The following RCHY1 variants were observed in gnomAD, a reference collection of about 807,000 sequenced individuals.
RCHY1 encodes ring finger and CHY zinc finger domain containing 1.
RCHY1 carries 21 observed loss-of-function variants against 41.6 expected under a neutral mutation model. The observed-to-expected ratio is 0.51, with a 90% confidence interval of 0.36 to 0.73. The LOEUF (loss-of-function observed/expected upper bound fraction) is 0.73, where lower values mean the gene tolerates loss of function less well. Among genes scored for constraint, RCHY1 ranks in the 30% least tolerant of loss-of-function variants. The pLI, the probability that RCHY1 is intolerant of heterozygous loss-of-function variation, is 0.00. For missense variants in RCHY1, 265 were observed against 325.3 expected (o/e 0.81, Z 1.43); for synonymous variants, 79 against 102.9 (o/e 0.77, Z 1.41).
At chr4:75,491,554 C>A in intron 7 of RCHY1, 57 bp downstream of exon 7, 2 of 1,523,042 alleles carry the variant, frequency 1.3e-6, no homozygotes, top group South Asian at 1.1e-5. Context: ...CTCCCCACAC[C>A]ACACACACAA....
Position 75,482,367 on chromosome 4 carries a change from C to T in RCHY1, c.*171G>A. 2.2e-6 allele frequency: 1 copy of T among 458,228 alleles called. No individual in the cohort carries two copies. The highest frequency in any genetic ancestry group is 7.1e-5 in the South Asian group (1 of 14,060). 28.4% of individuals were successfully genotyped at this position (458,228 alleles called of 1,614,324 possible). A position where few individuals can be genotyped will look rare whatever the true frequency, so the allele number is the denominator to read the frequency against. ...CATTCAATATAGAGCTATGATAAGT[C>T]TATCAAGAGACCCTGAATCCTTACG... On this transcript the variant is annotated 3_prime_UTR_variant, in exon 9 of 9. Transcript: ENST00000324439.
chr4:75,482,818 T>C (rs1438731989), intron 8 of RCHY1, 152 bp from the exon 9 acceptor site: 1 of 504,440 alleles, frequency 2.0e-6, no homozygotes, highest in Non-Finnish European at 3.1e-6. Flanking sequence ...TCTTATTTTT[T>C]CACTGAAAAC....
At chr4:75,509,319 A>T in intron 1 of RCHY1, 23 bp from the exon 2 acceptor site, 38 of 1,602,536 alleles carry the variant, frequency 2.4e-5, no homozygotes, top group Non-Finnish European at 3.1e-5. Flanking sequence ...GAGAAAAAAG[A>T]GATATAGTAA....
chr4:75,498,322 G>T (rs922020062), intron 3 of RCHY1, among the ~76,000 whole-genome samples: 1 of 151,700 alleles, frequency 6.6e-6, no homozygotes, highest in Non-Finnish European at 1.5e-5. Context: ...CTGAAGCCAT[G>T]ACAAAAAGTT....
chr4:75,504,611 T>C (rs1043837627), intron 3 of RCHY1, among the ~76,000 whole-genome samples: 6 of 152,180 alleles, frequency 3.9e-5, no homozygotes, highest in Admixed American at 2.0e-4. Flanking sequence ...TTGTGGGGAG[T>C]TGAAAGTTAT....
At chr4:75,508,981 G>T in intron 2 of RCHY1, 46 bp from the exon 3 acceptor site, 2 of 1,378,070 alleles carry the variant, frequency 1.5e-6, no homozygotes, top group South Asian at 1.3e-5. Context: ...TAAACATTTT[G>T]AGTTACCATT....
In RCHY1 at chr4:75,505,594, G is replaced by A. The variant is rs185833524; in HGVS notation, c.326+3226C>T. ...AGTTAATCAAATAGGATGAATCTTAGAAACAGAGCTCAGTAAAAAAACAAA... is the reference window on the plus strand; with the variant it reads ...AGTTAATCAAATAGGATGAATCTTAAAAACAGAGCTCAGTAAAAAAACAAA... On this transcript the variant is annotated intron_variant, in intron 3 of 8. Coordinates refer to ENST00000324439, the MANE Select transcript of RCHY1 (RefSeq NM_015436.4). Among the ~76,000 whole-genome samples the A allele has an allele frequency of 3.5e-3, 532 of 151,748 alleles. 4 individuals are homozygous for A. Among genetic ancestry groups the A allele is most frequent in the African/African-American group, 0.013 (520 of 41,340 alleles).
intron 8 of RCHY1, among the ~76,000 whole-genome samples, chr4:75,487,657 T>TATATATATTC (rs1203749361): frequency 6.7e-5 from 2 of 30,038 alleles, no homozygotes; most frequent in Non-Finnish European, 1.2e-4. Flanking sequence ...ATATTCATAA[T>TATATATATTC]ATATATATTC....
At chr4:75,488,584 C>A (rs893452095) in intron 8 of RCHY1, among the ~76,000 whole-genome samples, 3 of 152,076 alleles carry the variant, frequency 2.0e-5, no homozygotes, top group African/African-American at 7.2e-5. Context: ...ACTAAAGCAG[C>A]CAGTACTGAA....
chr4:75,490,204 A>G (rs911794726), intron 8 of RCHY1, among the ~76,000 whole-genome samples: 1 of 152,106 alleles, frequency 6.6e-6, no homozygotes, highest in Non-Finnish European at 1.5e-5. Context: ...AAATCAGCAA[A>G]TATGTTCTCC....
At chr4:75,514,648 TG>T, upstream of RCHY1, 1 of 196,664 alleles carries the variant, frequency 5.1e-6, no homozygotes, top group Non-Finnish European at 1.0e-5. Flanking sequence ...GGACGCTCAC[TG>T]GGCGCATCGT....
upstream of RCHY1, chr4:75,514,654 C>T (rs1725398355): frequency 1.0e-5 from 2 of 192,260 alleles, no homozygotes; most frequent in African/African-American, 2.3e-5. Context: ...TCACTGGGCG[C>T]ATCGTTACCT....
chr4:75,491,539 T>C, intron 7 of RCHY1, 72 bp downstream of exon 7: 2 of 1,369,006 alleles, frequency 1.5e-6, no homozygotes, highest in Non-Finnish European at 1.0e-6. Context: ...ACAATGTTTG[T>C]CCACCTCCCC....
intron 3 of RCHY1, among the ~76,000 whole-genome samples, chr4:75,499,884 A>G (rs1274758070): frequency 1.3e-5 from 2 of 152,224 alleles, no homozygotes; most frequent in Non-Finnish European, 2.9e-5. Flanking sequence ...TACGGTTTAC[A>G]TTAATTGATT....
At chr4:75,496,124 T>C (rs1281852954) in intron 3 of RCHY1, among the ~76,000 whole-genome samples, 13 of 152,084 alleles carry the variant, frequency 8.5e-5, no homozygotes, top group Admixed American at 7.9e-4. Context: ...TTTCCACTAC[T>C]GCCAAAGATA....
chr4:75,488,474 C>T (rs1187329059), intron 8 of RCHY1, among the ~76,000 whole-genome samples: 1 of 152,106 alleles, frequency 6.6e-6, no homozygotes, highest in Non-Finnish European at 1.5e-5. Context: ...ATAACAATTC[C>T]TAGAACTCTA....
intron 3 of RCHY1, among the ~76,000 whole-genome samples, chr4:75,501,360 T>C (rs1229737780): frequency 6.6e-6 from 1 of 152,242 alleles, no homozygotes; most frequent in African/African-American, 2.4e-5. Flanking sequence ...GATGATCATA[T>C]GTCATTTGAC....
At chr4:75,487,810 TAATATATATTCATAA>T (rs1560513575) in intron 8 of RCHY1, among the ~76,000 whole-genome samples, 3 of 97,686 alleles carry the variant, frequency 3.1e-5, no homozygotes, top group East Asian at 2.5e-4. Flanking sequence ...TATATATTCA[TAATATATATTCATAA>T]TATATATATT....
At chr4:75,484,760 G>A (rs1560510339) in intron 8 of RCHY1, among the ~76,000 whole-genome samples, 1 of 151,898 alleles carries the variant, frequency 6.6e-6, no homozygotes, top group African/African-American at 2.4e-5. Context: ...TATAGAAATG[G>A]CAAAACCTTA....
Sources: gnomAD v4.1 joint callset for allele counts (sites outside exome capture counted in the v4.1 genomes callset) on GRCh38, gnomAD v4.1.1 for gene constraint, MANE v1.5 for transcripts, NCBI Gene and HGNC (gene_info 2026-07-23, HGNC 2026-07-21) for gene names.